Variants in WDR7 observed in about 807,000 individuals in gnomAD.
The protein encoded by WDR7 is WD repeat-containing protein 7.
Under a neutral mutation model 169.4 loss-of-function variants are expected in WDR7, and 46 were observed. That is an observed-to-expected ratio of 0.27 (90% CI 0.21 to 0.35). The LOEUF is 0.35. Among genes scored for constraint, WDR7 ranks in the 10% least tolerant of loss-of-function variants. The pLI is 1.00. For synonymous variants in WDR7, 612 were observed against 666.8 expected, an observed-to-expected ratio of 0.92 and a Z score of 1.27; for missense variants, 1,534 against 1,859.3, an observed-to-expected ratio of 0.83 and a Z score of 3.22.
downstream of WDR7, chr18:57,032,801 T>TTATATATATATATACATATATATA (rs2048448071): frequency 9.4e-6 from 1 of 106,192 alleles, no homozygotes; most frequent in African/African-American, 3.2e-5. Context: ...TATAATTATT[T>TTATATATATATATACATATATATA]TATATATATA....
At chr18:56,972,668 A>T (rs1054711390) in intron 26 of WDR7, among the ~76,000 whole-genome samples, 5 of 152,190 alleles carry the variant, frequency 3.3e-5, no homozygotes, top group African/African-American at 7.2e-5. Flanking sequence ...TAAAAGTGAA[A>T]TGCTATTTAG....
intron 16 of WDR7, among the ~76,000 whole-genome samples, chr18:56,765,051 A>C (rs2044039811): frequency 1.3e-5 from 2 of 152,110 alleles, no homozygotes; most frequent in Non-Finnish European, 2.9e-5. Context: ...GTTTATAATA[A>C]TACAGTAATT....
intron 1 of WDR7, among the ~76,000 whole-genome samples, chr18:56,659,227 G>T (rs532971412): frequency 5.2e-4 from 79 of 152,278 alleles, no homozygotes; most frequent in African/African-American, 1.8e-3. Flanking sequence ...AAGGAGGCTT[G>T]TATTAATTGT....
chr18:56,922,195 G>A (rs1481246845), intron 21 of WDR7, among the ~76,000 whole-genome samples: 1 of 152,116 alleles, frequency 6.6e-6, no homozygotes, highest in Non-Finnish European at 1.5e-5. Context: ...CTGACAAACT[G>A]GGGCAGGGAG....
intron 20 of WDR7, among the ~76,000 whole-genome samples, chr18:56,867,359 G>C (rs1244734012): frequency 1.3e-5 from 2 of 152,022 alleles, no homozygotes; most frequent in Non-Finnish European, 2.9e-5. Context: ...AAAAATCTCA[G>C]AGCAGTTTAA....
intron 26 of WDR7, among the ~76,000 whole-genome samples, chr18:57,016,864 G>T (rs2048213945): frequency 6.6e-6 from 1 of 152,042 alleles, no homozygotes; most frequent in African/African-American, 2.4e-5. Context: ...TCCTGAATTT[G>T]ATTAATTTCT....
At chr18:56,869,373 C>G (rs1386557005) in intron 20 of WDR7, among the ~76,000 whole-genome samples, 4 of 152,124 alleles carry the variant, frequency 2.6e-5, no homozygotes, top group Non-Finnish European at 5.9e-5. Context: ...AGGGGGCTAT[C>G]GTGCATACAT....
intron 19 of WDR7, among the ~76,000 whole-genome samples, chr18:56,803,935 A>G (rs2044722348): frequency 6.6e-6 from 1 of 152,178 alleles, no homozygotes; most frequent in African/African-American, 2.4e-5. Flanking sequence ...AGCTGGGATT[A>G]CAGGTGTGCA....
intron 20 of WDR7, among the ~76,000 whole-genome samples, chr18:56,838,210 AT>A (rs57152051): frequency 0.046 from 6,852 of 149,014 alleles, 553 homozygotes; most frequent in African/African-American, 0.16. Context: ...CTTTATTATT[AT>A]TTTTTTTTTG....
chr18:56,855,164 C>A (rs2145384539), intron 20 of WDR7, among the ~76,000 whole-genome samples: 1 of 152,120 alleles, frequency 6.6e-6, no homozygotes, highest in East Asian at 1.9e-4. Flanking sequence ...GTTTGCATTT[C>A]CCTTCTTGCT....
chr18:56,730,959 A>G (rs2026571991), intron 13 of WDR7, among the ~76,000 whole-genome samples: 1 of 152,190 alleles, frequency 6.6e-6, no homozygotes, highest in Non-Finnish European at 1.5e-5. Context: ...AGCTTCAGCA[A>G]TTATTCAATG....
At chr18:56,745,627 C>T (rs1183496401) in intron 14 of WDR7, among the ~76,000 whole-genome samples, 1 of 152,178 alleles carries the variant, frequency 6.6e-6, no homozygotes, top group Non-Finnish European at 1.5e-5. Flanking sequence ...CGCCGCTCAG[C>T]TCCTGCTGTA....
intron 20 of WDR7, among the ~76,000 whole-genome samples, chr18:56,818,960 A>G (rs1309984918): frequency 1.3e-5 from 2 of 152,200 alleles, no homozygotes; most frequent in African/African-American, 2.4e-5. Flanking sequence ...TTTGAAAGCT[A>G]TAGTTAGGCT....
rs1226481380 is a variant in WDR7, at chr18:56,685,321, A to G, written c.521-635A>G. On this transcript the variant is annotated intron_variant, in intron 5 of 27. Coordinates refer to ENST00000254442, the MANE Select transcript of WDR7 (RefSeq NM_015285.3). ...TTGTATTTAAGATAGTTTGTTATCT[A>G]AAGTTCATTGGTTAATTAGTGAAGA... Among the ~76,000 whole-genome samples the G allele has an allele frequency of 1.2e-4, 19 of 152,230 alleles. 1 individual carries two copies. Among genetic ancestry groups the G allele is most frequent in the Non-Finnish European group, 2.8e-4 (19 of 68,044 alleles).
intron 16 of WDR7, among the ~76,000 whole-genome samples, chr18:56,764,162 C>T (rs1392591451): frequency 1.3e-5 from 2 of 152,078 alleles, no homozygotes; most frequent in Non-Finnish European, 2.9e-5. Flanking sequence ...CTAATATAGG[C>T]ATTCAATGCT....
chr18:56,726,220 T>C (rs1034006394), intron 13 of WDR7, among the ~76,000 whole-genome samples: 7 of 152,190 alleles, frequency 4.6e-5, no homozygotes, highest in Non-Finnish European at 8.8e-5. Flanking sequence ...GGGATGGCAT[T>C]GAATCTATAA....
At chr18:57,019,494 A>G (rs1304129480) in intron 26 of WDR7, among the ~76,000 whole-genome samples, 3 of 152,188 alleles carry the variant, frequency 2.0e-5, no homozygotes, top group South Asian at 2.1e-4. Flanking sequence ...CTCCCTGCCC[A>G]GAGCCCAGTT....
chr18:57,007,710 T>C (rs1482613139), intron 26 of WDR7, among the ~76,000 whole-genome samples: 3 of 152,158 alleles, frequency 2.0e-5, no homozygotes, highest in Admixed American at 6.5e-5. Context: ...AAAAATAAAA[T>C]ATTAGATAAA....
In WDR7 at chr18:56,694,975, T is replaced by A; in HGVS notation, c.1134T>A (p.Ser378Arg). The change falls in exon 11 of 28, where the codon AGT (serine) becomes AGA (arginine). Residue 378 changes from serine to arginine, a missense_variant. Transcript: ENST00000254442. Reference protein sequence around the residue: ...EEGLAMTTSISLQEAFDKLNP... With the variant: ...EEGLAMTTSIRLQEAFDKLNP... ...GGCTGGCAATGACAACTTCTATTAG[T>A]TTGCAAGAGGCATTTGATAAACTGA... The A allele has an allele frequency of 6.2e-7, 1 of 1,614,162 alleles. No individual in the cohort carries two copies. The highest frequency in any genetic ancestry group is 8.5e-7 in the Non-Finnish European group (1 of 1,179,988).
Sources: allele counts gnomAD v4.1 joint callset (sites outside exome capture counted in the v4.1 genomes callset), GRCh38; gene constraint gnomAD v4.1.1; transcripts MANE v1.5; gene names NCBI Gene and HGNC (gene_info 2026-07-23, HGNC 2026-07-21).